The following SUGCT variants were observed in gnomAD, a reference collection of about 807,000 sequenced individuals.
The protein encoded by SUGCT is succinyl-CoA:glutarate-CoA transferase, also known as succinyl-CoA:glutarate CoA-transferase.
A neutral mutation model predicts 55.0 loss-of-function variants in SUGCT; 41 were observed. That is an observed-to-expected ratio of 0.74 (90% CI 0.58 to 0.97). SUGCT has a LOEUF of 0.97. Ranked by LOEUF, SUGCT falls within the 50% of genes least tolerant of loss-of-function variation. The pLI, the probability that SUGCT is intolerant of heterozygous loss-of-function variation, is 0.00. For synonymous variants in SUGCT, 187 were observed against 200.4 expected (o/e 0.93, Z 0.56); for missense variants, 568 against 547.8 (o/e 1.04, Z -0.37).
At chr7:40,875,814 A>G in the SUGCT span, among the ~76,000 whole-genome samples, 2 of 152,234 alleles carry the variant, frequency 1.3e-5, no homozygotes, top group South Asian at 4.1e-4. Context: ...TAGAATGAGC[A>G]TGGGACCTAA....
chr7:40,884,052 G>GA, the SUGCT span, among the ~76,000 whole-genome samples: 2 of 151,330 alleles, frequency 1.3e-5, no homozygotes, highest in African/African-American at 2.4e-5. Context: ...TATCACTAGT[G>GA]AAAAAAAAAT....
intron 6 of SUGCT, among the ~76,000 whole-genome samples, chr7:40,208,418 T>C (rs954815084): frequency 3.9e-5 from 6 of 152,234 alleles, no homozygotes; most frequent in Non-Finnish European, 8.8e-5. Context: ...AGGTATTCCA[T>C]GGAAGAAATT....
In SUGCT at chr7:40,450,989, G is replaced by A. The variant is rs539504184; in HGVS notation, c.888+1631G>A. On this transcript the variant is annotated intron_variant, in intron 10 of 13. Coordinates refer to ENST00000335693, the MANE Select transcript of SUGCT (RefSeq NM_001193313.2). ...GCTGAAACATCTGAGGTGGGAAAGA[G>A]GGGAGCCTTTTAAATGGTGACTCTG... is the stretch of plus-strand genomic sequence containing the variant. Among the ~76,000 whole-genome samples the A allele has an allele frequency of 1.9e-4, 29 of 152,260 alleles. 1 individual carries two copies. Among genetic ancestry groups the A allele is most frequent in the Admixed American group, 1.6e-3 (24 of 15,286 alleles).
chr7:40,864,818 C>T (rs1182706371), downstream of SUGCT, among the ~76,000 whole-genome samples: 3 of 152,072 alleles, frequency 2.0e-5, no homozygotes, highest in Non-Finnish European at 4.4e-5. Flanking sequence ...CCCAGCCTGA[C>T]GTGTTGGTGC....
At chr7:40,940,119 T>TTA in the SUGCT span, among the ~76,000 whole-genome samples, 1 of 152,198 alleles carries the variant, frequency 6.6e-6, no homozygotes. Flanking sequence ...CCAGCACCAT[T>TTA]TATTGAATAG....
intron 11 of SUGCT, among the ~76,000 whole-genome samples, chr7:40,476,036 C>A (rs760156406): frequency 6.6e-6 from 1 of 152,026 alleles, no homozygotes; most frequent in Non-Finnish European, 1.5e-5. Context: ...CTCGTACTGT[C>A]TCAGTTCTAA....
chr7:40,319,386 G>A (rs767338071), intron 9 of SUGCT, among the ~76,000 whole-genome samples: 45 of 152,214 alleles, frequency 3.0e-4, no homozygotes, highest in Middle Eastern at 6.8e-3. Flanking sequence ...TAGATTGGGG[G>A]AATATTTTTG....
the SUGCT span, among the ~76,000 whole-genome samples, chr7:41,011,506 A>G: frequency 6.6e-6 from 1 of 152,218 alleles, no homozygotes; most frequent in African/African-American, 2.4e-5. Context: ...CCCAACCTCT[A>G]GGGGAGCTTG....
intron 3 of SUGCT, among the ~76,000 whole-genome samples, chr7:40,186,780 G>A (rs1300254947): frequency 6.6e-6 from 1 of 152,180 alleles, no homozygotes; most frequent in Non-Finnish European, 1.5e-5. Flanking sequence ...TAGGGGACAC[G>A]AGGCCAGGGC....
chr7:40,739,473 A>G (rs1269647054), intron 12 of SUGCT, among the ~76,000 whole-genome samples: 1 of 152,188 alleles, frequency 6.6e-6, no homozygotes, highest in Non-Finnish European at 1.5e-5. Context: ...TGGATGTACC[A>G]TAGTTTTTCC....
In SUGCT at chr7:40,608,255, A is replaced by G. The variant is rs151101412; in HGVS notation, c.1089+111869A>G. Among the ~76,000 whole-genome samples, 208 of 152,196 alleles carry G rather than the reference A, an allele frequency of 1.4e-3. 1 individual carries two copies. The highest frequency in any genetic ancestry group is 4.8e-3 in the African/African-American group (201 of 41,554). ...CTGAATGTTCCTTTTTCATTTTTTT[A>G]AGTGGGAAAAATGAACACTATATTT... On this transcript the variant is annotated intron_variant, in intron 12 of 13. Coordinates refer to ENST00000335693, the MANE Select transcript of SUGCT (RefSeq NM_001193313.2).
chr7:40,801,744 A>G (rs1790825970), intron 13 of SUGCT, among the ~76,000 whole-genome samples: 1 of 152,142 alleles, frequency 6.6e-6, no homozygotes, highest in Non-Finnish European at 1.5e-5. Flanking sequence ...TCATGTTTAT[A>G]TACCTTGGAC....
chr7:40,482,220 A>T (rs10281324), intron 11 of SUGCT, among the ~76,000 whole-genome samples: 8 of 151,998 alleles, frequency 5.3e-5, no homozygotes, highest in Non-Finnish European at 1.2e-4. Flanking sequence ...GTAACTTATG[A>T]TAGACCCTTA....
chr7:40,903,042 T>C, the SUGCT span, among the ~76,000 whole-genome samples: 2,207 of 134,134 alleles, frequency 0.016, 24 homozygotes, highest in Non-Finnish European at 0.023. Flanking sequence ...CTTTTCTTTT[T>C]TTTTTTTTGA....
intron 12 of SUGCT, among the ~76,000 whole-genome samples, chr7:40,718,612 T>A (rs1180943271): frequency 6.6e-6 from 1 of 152,184 alleles, no homozygotes; most frequent in African/African-American, 2.4e-5. Flanking sequence ...TTAATAATAG[T>A]CCAATAAAAA....
intron 12 of SUGCT, among the ~76,000 whole-genome samples, chr7:40,730,681 T>C (rs754453928): frequency 1.3e-4 from 20 of 152,196 alleles, no homozygotes; most frequent in Non-Finnish European, 2.8e-4. Context: ...CTTTCACCAA[T>C]ATCTCTCTAC....
chr7:40,464,947 G>C (rs1790020869), intron 11 of SUGCT, among the ~76,000 whole-genome samples: 1 of 152,184 alleles, frequency 6.6e-6, no homozygotes. Flanking sequence ...ATTATCTATA[G>C]TTTGGAGAGA....
intron 12 of SUGCT, among the ~76,000 whole-genome samples, chr7:40,731,564 A>G (rs1786889547): frequency 6.6e-6 from 1 of 152,220 alleles, no homozygotes; most frequent in Non-Finnish European, 1.5e-5. Context: ...ATGAATTGAA[A>G]GAGTGAGGAT....
chr7:40,533,998 A>G (rs564690462), intron 12 of SUGCT, among the ~76,000 whole-genome samples: 31 of 152,318 alleles, frequency 2.0e-4, no homozygotes, highest in African/African-American at 7.2e-4. Flanking sequence ...CATATGTGAC[A>G]TTCGAAAGTA....
Sources: gnomAD v4.1 joint callset for allele counts (sites outside exome capture counted in the v4.1 genomes callset) on GRCh38, gnomAD v4.1.1 for gene constraint, MANE v1.5 for transcripts, NCBI Gene and HGNC (gene_info 2026-07-23, HGNC 2026-07-21) for gene names.